The following SPOCK3 variants were observed in gnomAD, a reference collection of about 807,000 sequenced individuals.
SPOCK3 encodes the protein testican-3.
Under a neutral mutation model 56.6 loss-of-function variants are expected in SPOCK3, and 30 were observed. The ratio of observed to expected loss-of-function variants is 0.53; its 90% CI spans 0.40 to 0.72. The LOEUF is 0.72. Among genes scored for constraint, SPOCK3 ranks in the 30% least tolerant of loss-of-function variants. The probability of loss-of-function intolerance (pLI) is 0.00; values close to 1 mark genes in which losing one functional copy is unlikely to be tolerated. For missense variants in SPOCK3, 527 were observed against 530.0 expected, an observed-to-expected ratio of 0.99 and a Z score of 0.06; for synonymous variants, 196 against 183.3, an observed-to-expected ratio of 1.07 and a Z score of -0.56.
chr4:166,895,600 C>T (rs1735294635), intron 5 of SPOCK3, among the ~76,000 whole-genome samples: 1 of 152,138 alleles, frequency 6.6e-6, no homozygotes, highest in Non-Finnish European at 1.5e-5. Flanking sequence ...ATTTCAATGT[C>T]TATGTGGTTT....
intron 6 of SPOCK3, among the ~76,000 whole-genome samples, chr4:166,881,917 A>C (rs550110387): frequency 2.6e-5 from 4 of 152,160 alleles, no homozygotes; most frequent in Non-Finnish European, 4.4e-5. Context: ...GGAATAGCAA[A>C]CATCTCCTTA....
rs560278967 is a variant in SPOCK3, at chr4:167,076,258, A to C, written c.190-13721T>G. On this transcript the variant is annotated intron_variant, in intron 2 of 10. Coordinates refer to ENST00000357545, the MANE Select transcript of SPOCK3 (RefSeq NM_001040159.2). ...TACTTTTGTCCAAACCAGTAGAATG[A>C]ACAATATCAACAGTGAACCATAATG... 3.7e-3 allele frequency among the ~76,000 whole-genome samples: 562 copies of C among 151,986 alleles called. 3 individuals are homozygous for C. The highest frequency in any genetic ancestry group is 6.4e-3 in the Non-Finnish European group (437 of 67,898).
In SPOCK3 at chr4:167,198,916, A is replaced by C. The variant is rs1430126069; in HGVS notation, c.189+35069T>G. Among the ~76,000 whole-genome samples, 4 of 152,280 alleles carry C rather than the reference A, an allele frequency of 2.6e-5. 1 individual carries two copies. The Middle Eastern group carries it at 0.01, about 388-fold the overall frequency. On this transcript the variant is annotated intron_variant, in intron 2 of 10. Coordinates refer to ENST00000357545, the MANE Select transcript of SPOCK3 (RefSeq NM_001040159.2). ...GATTCTTAAGTTTATTTATTAATTTAAGAAGCTCCAGAAAACATATTAGGT... is the reference window on the plus strand; with the variant it reads ...GATTCTTAAGTTTATTTATTAATTTCAGAAGCTCCAGAAAACATATTAGGT...
At chr4:167,217,393 A>G (rs1020716458) in intron 2 of SPOCK3, among the ~76,000 whole-genome samples, 1 of 152,050 alleles carries the variant, frequency 6.6e-6, no homozygotes, top group Non-Finnish European at 1.5e-5. Context: ...TTCCTAAAAA[A>G]TACAGTAAAG....
At chr4:167,014,946 ACT>A (rs1245894522) in intron 3 of SPOCK3, among the ~76,000 whole-genome samples, 21 of 151,944 alleles carry the variant, frequency 1.4e-4, no homozygotes, top group African/African-American at 3.9e-4. Flanking sequence ...AAAGAAAATT[ACT>A]CTTTTTTCTA....
In SPOCK3 at chr4:166,838,726, G is replaced by A. The variant is rs181472035; in HGVS notation, c.590-46437C>T. Among the ~76,000 whole-genome samples the A allele has an allele frequency of 2.9e-3, 406 of 138,998 alleles. 5 individuals carry two copies. The highest frequency in any genetic ancestry group is 0.01 in the African/African-American group (382 of 37,630). The allele number at this position is 138,998 out of a possible 152,430, so 91.2% of individuals were successfully genotyped here. A position where few individuals can be genotyped will look rare whatever the true frequency, so the allele number is the denominator to read the frequency against. ...CCAGAACTTTTGGGAGGCCGTGAGC[G>A]GATCACAAAGTCAGGAGATCGAGAC... On this transcript the variant is annotated intron_variant, in intron 6 of 10. Coordinates refer to ENST00000357545, the MANE Select transcript of SPOCK3 (RefSeq NM_001040159.2).
intron 6 of SPOCK3, among the ~76,000 whole-genome samples, chr4:166,829,224 T>C (rs546495922): frequency 1.3e-5 from 2 of 152,154 alleles, no homozygotes; most frequent in African/African-American, 4.8e-5. Flanking sequence ...GCTCGACACA[T>C]CCAAAATGGT....
chr4:166,909,409 TAAGATGTGCAATGA>T (rs1737005419), intron 5 of SPOCK3, among the ~76,000 whole-genome samples: 1 of 152,084 alleles, frequency 6.6e-6, no homozygotes, highest in Non-Finnish European at 1.5e-5. Context: ...CACCTCCAGT[TAAGATGTGCAATGA>T]AAATATCATT....
At chr4:167,127,458 C>T (rs2150375119) in intron 2 of SPOCK3, among the ~76,000 whole-genome samples, 1 of 150,494 alleles carries the variant, frequency 6.6e-6, no homozygotes. Context: ...GATGGAGTCT[C>T]ACTCTGTCGC....
At chr4:166,983,725 A>C (rs2150097902) in intron 4 of SPOCK3, among the ~76,000 whole-genome samples, 1 of 152,190 alleles carries the variant, frequency 6.6e-6, no homozygotes, top group South Asian at 2.1e-4. Context: ...ATAAAATAAA[A>C]TATTCAAATC....
intron 2 of SPOCK3, among the ~76,000 whole-genome samples, chr4:167,221,655 A>G (rs1735927850): frequency 1.3e-5 from 2 of 152,186 alleles, no homozygotes; most frequent in South Asian, 4.1e-4. Flanking sequence ...TTGAGCAGAC[A>G]TTTCTTCAGA....
At chr4:166,792,506 A>G (rs1006898726) in intron 6 of SPOCK3, among the ~76,000 whole-genome samples, 1 of 152,204 alleles carries the variant, frequency 6.6e-6, no homozygotes, top group Non-Finnish European at 1.5e-5. Flanking sequence ...GTGGAATTCT[A>G]CTTGTGCTCT....
At chr4:167,106,208 A>G (rs1029434025) in intron 2 of SPOCK3, among the ~76,000 whole-genome samples, 1 of 151,964 alleles carries the variant, frequency 6.6e-6, no homozygotes, top group African/African-American at 2.4e-5. Flanking sequence ...ATCATTCTCA[A>G]GAACAGACCA....
chr4:167,087,339 A>G lies in SPOCK3; in HGVS notation c.190-24802T>C, dbSNP rs998836628. Among the ~76,000 whole-genome samples the G allele has an allele frequency of 4.6e-5, 7 of 151,502 alleles. No individual in the cohort carries two copies. In the Admixed American group the frequency reaches 4.6e-4, roughly 10 times the overall value. ...AGAATCCTCAGTTTCTGCTTTCCTA[A>G]CTATCATATTATGATGTAGAATTTC... On this transcript the variant is annotated intron_variant, in intron 2 of 10. Coordinates refer to ENST00000357545, the MANE Select transcript of SPOCK3 (RefSeq NM_001040159.2).
intron 2 of SPOCK3, among the ~76,000 whole-genome samples, chr4:167,137,598 C>T (rs1436217538): frequency 6.6e-6 from 1 of 151,846 alleles, no homozygotes; most frequent in Non-Finnish European, 1.5e-5. Flanking sequence ...ACACTTTAGC[C>T]TGACCTCATT....
intron 4 of SPOCK3, among the ~76,000 whole-genome samples, chr4:166,960,209 T>A (rs1387572463): frequency 6.6e-6 from 1 of 152,214 alleles, no homozygotes; most frequent in Non-Finnish European, 1.5e-5. Flanking sequence ...TGTTATACTT[T>A]AACATCAAAG....
At chr4:167,142,735 A>G (rs573549108) in intron 2 of SPOCK3, among the ~76,000 whole-genome samples, 14 of 152,186 alleles carry the variant, frequency 9.2e-5, no homozygotes, top group African/African-American at 2.6e-4. Context: ...TATTAATTTT[A>G]GGAAATAGAT....
intron 4 of SPOCK3, among the ~76,000 whole-genome samples, chr4:166,953,996 A>C (rs1743067712): frequency 6.6e-6 from 1 of 152,174 alleles, no homozygotes; most frequent in South Asian, 2.1e-4. Context: ...ATGACGAGTT[A>C]GTGGGTGCAG....
chr4:166,979,825 G>C (rs1746380121), intron 4 of SPOCK3, among the ~76,000 whole-genome samples: 1 of 152,142 alleles, frequency 6.6e-6, no homozygotes, highest in African/African-American at 2.4e-5. Flanking sequence ...TCCAAGCTGA[G>C]CTCTTGTGAT....
Sources: allele counts gnomAD v4.1 joint callset (sites outside exome capture counted in the v4.1 genomes callset), GRCh38; gene constraint gnomAD v4.1.1; transcripts MANE v1.5; gene names NCBI Gene and HGNC (gene_info 2026-07-23, HGNC 2026-07-21).